The following TULP3 variants were observed in gnomAD, a reference collection of about 807,000 sequenced individuals.
The protein encoded by TULP3 is tubby-related protein 3.
In TULP3, 38 loss-of-function variants were observed where a neutral mutation model predicts 50.7. The observed-to-expected ratio is 0.75, with a 90% CI of 0.58 to 0.98. The LOEUF (loss-of-function observed/expected upper bound fraction) is 0.98, where lower values mean the gene tolerates loss of function less well. TULP3 is among the 50% of genes least tolerant of loss of function. TULP3 has a pLI of 0.00. For missense variants in TULP3, 550 were observed against 568.0 expected, an observed-to-expected ratio of 0.97 and a Z score of 0.32; for synonymous variants, 183 against 196.6, an observed-to-expected ratio of 0.93 and a Z score of 0.58.
chr12:2,919,279 A>G (rs982404228), intron 2 of TULP3, among the ~76,000 whole-genome samples: 18 of 152,206 alleles, frequency 1.2e-4, no homozygotes, highest in Admixed American at 6.5e-5. Context: ...ATGTCCTTCT[A>G]TTCATGGTAA....
At chr12:2,903,885 G>A (rs1227779814) in intron 1 of TULP3, among the ~76,000 whole-genome samples, 1 of 152,038 alleles carries the variant, frequency 6.6e-6, no homozygotes, top group East Asian at 2.0e-4. Flanking sequence ...CCGGGTTCAA[G>A]CGATTCTGTA....
chr12:2,937,541 T>C (rs1218373553), intron 8 of TULP3, 90 bp from the exon 9 acceptor site: 2 of 942,116 alleles, frequency 2.1e-6, no homozygotes, highest in Non-Finnish European at 3.4e-6. Flanking sequence ...GTCAGCATCT[T>C]ACATTCCCAA....
At chr12:2,919,492 G>A (rs1032944693) in intron 2 of TULP3, among the ~76,000 whole-genome samples, 1 of 152,008 alleles carries the variant, frequency 6.6e-6, no homozygotes. Context: ...CTCACCCCTT[G>A]GAGTGACTCT....
chr12:2,893,134 A>G (rs2098173194), intron 1 of TULP3, among the ~76,000 whole-genome samples: 1 of 151,958 alleles, frequency 6.6e-6, no homozygotes, highest in Non-Finnish European at 1.5e-5. Context: ...AACTTCTGGG[A>G]TTACAGGCCT....
intron 1 of TULP3, among the ~76,000 whole-genome samples, chr12:2,902,048 G>A (rs2098179598): frequency 6.6e-6 from 1 of 152,112 alleles, no homozygotes; most frequent in Admixed American, 6.6e-5. Flanking sequence ...TATCTTTGCA[G>A]TAATTCCTTG....
At chr12:2,893,434 C>T (rs368534195) in intron 1 of TULP3, among the ~76,000 whole-genome samples, 88 of 151,388 alleles carry the variant, frequency 5.8e-4, no homozygotes, top group Middle Eastern at 6.8e-3. Context: ...GATTCTCCAG[C>T]CTCAGCCTCC....
intron 1 of TULP3, among the ~76,000 whole-genome samples, chr12:2,893,317 T>C (rs1245683737): frequency 4.3e-5 from 6 of 139,018 alleles, no homozygotes; most frequent in Non-Finnish European, 7.7e-5. Context: ...TCAGGTTGTG[T>C]GTTTAATGTG....
intron 2 of TULP3, among the ~76,000 whole-genome samples, chr12:2,915,563 A>G (rs1265141287): frequency 1.4e-5 from 2 of 147,942 alleles, no homozygotes; most frequent in Non-Finnish European, 3.0e-5. Context: ...TTTTTGAAAC[A>G]GAGTCTCGTT....
intron 4 of TULP3, among the ~76,000 whole-genome samples, chr12:2,926,024 A>G (rs1023212743): frequency 2.0e-5 from 3 of 152,232 alleles, no homozygotes; most frequent in African/African-American, 7.2e-5. Flanking sequence ...TTGGCAGATT[A>G]TGTCCCTGTA....
chr12:2,928,957 T>G (rs2098196216), intron 4 of TULP3, among the ~76,000 whole-genome samples: 1 of 150,424 alleles, frequency 6.6e-6, no homozygotes, highest in Non-Finnish European at 1.5e-5. Flanking sequence ...AAAATCATAA[T>G]AATTTACCAG....
At chr12:2,906,685 G>C (rs1185715375) in intron 1 of TULP3, among the ~76,000 whole-genome samples, 2 of 151,444 alleles carry the variant, frequency 1.3e-5, no homozygotes, top group South Asian at 2.1e-4. Context: ...GGAGGCCGAG[G>C]TGGGTGGATC....
intron 1 of TULP3, among the ~76,000 whole-genome samples, chr12:2,894,415 A>G (rs2098174203): frequency 1.3e-5 from 2 of 151,856 alleles, no homozygotes; most frequent in African/African-American, 4.8e-5. Flanking sequence ...AGGTGCCTAT[A>G]ATCTTAGCTA....
At position 2,931,108 on chromosome 12, in the gene TULP3, G is replaced by A. The variant is rs2098197766; in HGVS notation, c.564G>A (p.Leu188=). Residue 188 remains leucine, a synonymous_variant, in exon 6 of 11, where the codon CTG becomes CTA. Coordinates refer to ENST00000448120, the MANE Select transcript of TULP3 (RefSeq NM_003324.5). ...ADNLLGDIDD[L]EDFVYSPAPQ... ...ACCTCCTGGGAGACATAGACGACCT[G>A]GAGGACTTTGTGTATAGTCCTGCCC... 6.2e-7 allele frequency: 1 copy of A among 1,614,024 alleles called. No homozygotes were observed. Among genetic ancestry groups the A allele is most frequent in the African/African-American group, 1.3e-5 (1 of 74,906 alleles).
In TULP3 at chr12:2,927,633, A is replaced by G. The variant is rs374764864; in HGVS notation, c.395-2615A>G. Among the ~76,000 whole-genome samples the G allele has an allele frequency of 1.5e-3, 229 of 152,172 alleles. 1 individual carries two copies. Among genetic ancestry groups the G allele is most frequent in the Middle Eastern group, 0.01 (3 of 294 alleles). On this transcript the variant is annotated intron_variant, in intron 4 of 10. Transcript: ENST00000448120. The stretch of plus-strand genomic sequence containing the variant: ...CTCCCAAAGTGCTGGGATTACAGGC[A>G]TGAGCCACTGCGCCCGGCCTGAGAT...
chr12:2,894,769 G>T (rs543529541), intron 1 of TULP3, among the ~76,000 whole-genome samples: 4 of 151,488 alleles, frequency 2.6e-5, no homozygotes, highest in Admixed American at 2.6e-4. Flanking sequence ...TGGTGTGTGC[G>T]TATAGTCCCA....
chr12:2,931,305 G>C (rs1440934176), intron 6 of TULP3, 65 bp downstream of exon 6: 1 of 1,527,564 alleles, frequency 6.5e-7, no homozygotes, highest in South Asian at 1.2e-5. Flanking sequence ...ATAGATTGTT[G>C]ATGGGCCTTA....
intron 2 of TULP3, among the ~76,000 whole-genome samples, chr12:2,916,686 A>G (rs908785248): frequency 2.0e-5 from 3 of 152,208 alleles, no homozygotes; most frequent in African/African-American, 7.2e-5. Flanking sequence ...TATAGATGGA[A>G]TAGGAATTGA....
At chr12:2,894,692 A>G (rs10744579) in intron 1 of TULP3, among the ~76,000 whole-genome samples, 72,425 of 151,918 alleles carry the variant, frequency 0.48, 17,723 homozygotes, top group African/African-American at 0.59. Context: ...TCAGGAGTTC[A>G]AGACCAGCCC....
chr12:2,898,574 G>A (rs771456723), intron 1 of TULP3, among the ~76,000 whole-genome samples: 8 of 152,186 alleles, frequency 5.3e-5, no homozygotes, highest in Non-Finnish European at 1.2e-4. Context: ...CACAAAAGCA[G>A]CCATAGATAA....
Sources: gnomAD v4.1 joint callset for allele counts (sites outside exome capture counted in the v4.1 genomes callset) on GRCh38, gnomAD v4.1.1 for gene constraint, MANE v1.5 for transcripts, NCBI Gene and HGNC (gene_info 2026-07-23, HGNC 2026-07-21) for gene names.